Variants in RIN3 observed in about 807,000 individuals in gnomAD.
RIN3 encodes the protein RAB5 interacting protein 3.
RIN3 carries 54 observed loss-of-function variants against 76.3 expected under a neutral mutation model. The ratio of observed to expected loss-of-function variants is 0.71; its 90% CI spans 0.57 to 0.89. RIN3 has a LOEUF of 0.89. Among genes scored for constraint, RIN3 ranks in the 40% least tolerant of loss-of-function variants. The pLI is 0.00. For synonymous variants in RIN3, 576 were observed against 564.0 expected (o/e 1.02, Z -0.30); for missense variants, 1,256 against 1,322.1 (o/e 0.95, Z 0.78).
At position 92,688,067 on chromosome 14, in the gene RIN3, G is replaced by A; in HGVS notation, c.2773G>A (p.Val925Met). 1.2e-6 allele frequency: 2 copies of A among 1,604,874 alleles called. No individual in the cohort carries two copies. Among genetic ancestry groups the A allele is most frequent in the Non-Finnish European group, 8.5e-7 (1 of 1,176,870 alleles). ...VERPQAHRLF[V>M]LVDGRCFQLA... The stretch of plus-strand genomic sequence containing the variant: ...GCGGCCGCAGGCGCACCGGCTGTTC[G>A]TGCTGGTGGACGGGCGCTGCTTCCA... The change falls in exon 10 of 10, where the codon GTG (valine) becomes ATG (methionine). Residue 925 changes from valine (V) to methionine (M), a missense_variant. This residue lies in a region of RIN3 where 218 missense variants were observed against 174.5 expected (regional missense o/e 1.25). Transcript: ENST00000216487.
intron 4 of RIN3, among the ~76,000 whole-genome samples, chr14:92,638,907 A>C (rs532925665): frequency 2.0e-5 from 3 of 152,164 alleles, no homozygotes; most frequent in Admixed American, 1.3e-4. Flanking sequence ...CAACTCTTCC[A>C]TAAACACAAG....
intron 2 of RIN3, among the ~76,000 whole-genome samples, chr14:92,559,400 A>G (rs1350510001): frequency 6.6e-6 from 1 of 152,226 alleles, no homozygotes; most frequent in Non-Finnish European, 1.5e-5. Context: ...GCTAGGCTCA[A>G]GCCCATCCCT....
intron 7 of RIN3, among the ~76,000 whole-genome samples, chr14:92,673,418 C>T (rs114393193): frequency 6.1e-4 from 93 of 152,090 alleles, no homozygotes; most frequent in African/African-American, 2.2e-3. Context: ...GAACTTTGGG[C>T]TCATGTGACA....
intron 3 of RIN3, among the ~76,000 whole-genome samples, chr14:92,611,165 T>C (rs34640073): frequency 6.6e-6 from 1 of 152,004 alleles, no homozygotes; most frequent in African/African-American, 2.4e-5. Flanking sequence ...CTCCCTCCTG[T>C]ATTCCGGTGG....
At chr14:92,638,067 G>A (rs1333020173) in intron 4 of RIN3, among the ~76,000 whole-genome samples, 1 of 152,148 alleles carries the variant, frequency 6.6e-6, no homozygotes, top group Non-Finnish European at 1.5e-5. Flanking sequence ...AAACACCCAC[G>A]TCCTGTGTGT....
At chr14:92,678,922 G>A (rs777547679) in intron 8 of RIN3, among the ~76,000 whole-genome samples, 10 of 152,194 alleles carry the variant, frequency 6.6e-5, no homozygotes, top group Non-Finnish European at 1.0e-4. Flanking sequence ...CACAGGCACG[G>A]TGGCTGAGCA....
intron 3 of RIN3, among the ~76,000 whole-genome samples, chr14:92,599,407 T>G (rs1885264738): frequency 6.6e-6 from 1 of 152,054 alleles, no homozygotes; most frequent in Admixed American, 6.6e-5. Flanking sequence ...GGAGGACTCT[T>G]GGGCCTGGTT....
rs111934571 is a variant in RIN3, at chr14:92,607,849, C to A, written c.368-7558C>A. ...CAGAATATTACTCAGCAGTAAAAGG[C>A]AATGAACTGTTGATTCACGGAACAA... On this transcript the variant is annotated intron_variant, in intron 3 of 9. Transcript: ENST00000216487. 8.7e-4 allele frequency among the ~76,000 whole-genome samples: 132 copies of A among 152,268 alleles called. 1 individual carries two copies. Among genetic ancestry groups the A allele is most frequent in the African/African-American group, 3.0e-3 (123 of 41,552 alleles).
intron 4 of RIN3, among the ~76,000 whole-genome samples, chr14:92,627,671 G>C (rs1886405466): frequency 6.6e-6 from 1 of 152,218 alleles, no homozygotes. Flanking sequence ...CGAGAGTCCA[G>C]GTTTATTCGT....
intron 3 of RIN3, among the ~76,000 whole-genome samples, chr14:92,611,960 G>A (rs572457630): frequency 1.3e-5 from 2 of 152,186 alleles, no homozygotes; most frequent in African/African-American, 2.4e-5. Context: ...TGTCTCACGT[G>A]GTGGGAGCAG....
At chr14:92,671,566 T>G (rs1367927919) in intron 7 of RIN3, among the ~76,000 whole-genome samples, 10 of 152,096 alleles carry the variant, frequency 6.6e-5, no homozygotes, top group Admixed American at 2.0e-4. Context: ...AACGTGGGAT[T>G]GTCGGTCAAG....
chr14:92,672,715 A>T (rs768719340), intron 7 of RIN3, among the ~76,000 whole-genome samples: 2 of 151,626 alleles, frequency 1.3e-5, no homozygotes, highest in Non-Finnish European at 2.9e-5. Flanking sequence ...AAAATGATTC[A>T]GTGGTTTTCA....
chr14:92,685,029 T>A lies in RIN3; in HGVS notation c.2510T>A (p.Ile837Asn). 5.0e-6 allele frequency: 8 copies of A among 1,613,976 alleles called. No individual in the cohort carries two copies. Among genetic ancestry groups the A allele is most frequent in the Non-Finnish European group, 6.8e-6 (8 of 1,179,946 alleles). ...ACCACCTACGGGGCCCTGGAGCACA[T>A]CAAGAGCTACGACAAGATCACGGTG... Reference protein sequence around the residue: ...LTTTYGALEHIKSYDKITVTR... With the variant: ...LTTTYGALEHNKSYDKITVTR... Residue 837 changes from isoleucine (I) to asparagine (N), a missense_variant, in exon 9 of 10, where the codon ATC (isoleucine) becomes AAC (asparagine). By Grantham distance (149) the Ile-to-Asn change is moderately radical. This residue lies in a region of RIN3 where 428 missense variants were observed against 521.2 expected (regional missense o/e 0.82). Coordinates refer to ENST00000216487, the MANE Select transcript of RIN3 (RefSeq NM_024832.5). The surrounding 1 kb of genome is among the most constrained non-coding windows in gnomAD (Gnocchi z 4.7).
chr14:92,549,779 A>G (rs942024878), intron 1 of RIN3, among the ~76,000 whole-genome samples: 3 of 152,162 alleles, frequency 2.0e-5, no homozygotes, highest in Admixed American at 2.0e-4. Context: ...CAGCCATAGG[A>G]TCAGAAGCCT....
At chr14:92,609,510 C>G (rs1885646573) in intron 3 of RIN3, among the ~76,000 whole-genome samples, 1 of 152,178 alleles carries the variant, frequency 6.6e-6, no homozygotes, top group African/African-American at 2.4e-5. Context: ...CGTGACAAGT[C>G]TCAGGAACTG....
Position 92,648,793 on chromosome 14 carries a change from G to A in RIN3, c.533-2789G>A, listed in dbSNP as rs1364244082. Among the ~76,000 whole-genome samples the A allele has an allele frequency of 6.6e-6, 1 of 152,236 alleles. No homozygotes were observed. The highest frequency in any genetic ancestry group is 2.4e-5 in the African/African-American group (1 of 41,456). On this transcript the variant is annotated intron_variant, in intron 5 of 9. Transcript: ENST00000216487. This position sits in a 1 kb window ranked among gnomAD's most constrained non-coding sequence, Gnocchi z 4.1. ...CTGCTGTCACAGGCATATCAGAGCT[G>A]CAGGAACACAGGCGGGGTGGGCAAG... is the stretch of plus-strand genomic sequence containing the variant.
chr14:92,684,340 A>G (rs939409036), intron 8 of RIN3, among the ~76,000 whole-genome samples: 4 of 145,812 alleles, frequency 2.7e-5, no homozygotes, highest in African/African-American at 1.0e-4. Flanking sequence ...AGATCACGCC[A>G]CTGCACTCCA....
chr14:92,637,445 C>T (rs1336432687), intron 4 of RIN3, among the ~76,000 whole-genome samples: 1 of 152,182 alleles, frequency 6.6e-6, no homozygotes, highest in African/African-American at 2.4e-5. Context: ...GCTTTGCTCA[C>T]TCGCCCGCTG....
At chr14:92,537,018 A>G (rs1339394120) in intron 1 of RIN3, among the ~76,000 whole-genome samples, 2 of 152,130 alleles carry the variant, frequency 1.3e-5, no homozygotes, top group Non-Finnish European at 2.9e-5. Flanking sequence ...ATATATATAT[A>G]TAATGAAAAA....
Sources: gnomAD v4.1 joint callset for allele counts (sites outside exome capture counted in the v4.1 genomes callset) on GRCh38, gnomAD v4.1.1 for gene constraint, gnomAD v4.1.1 regional missense constraint, Gnocchi (gnomAD v3.1) non-coding constraint, MANE v1.5 for transcripts, NCBI Gene and HGNC (gene_info 2026-07-23, HGNC 2026-07-21) for gene names.